Variants in HIVEP3 observed in about 807,000 individuals in gnomAD.
The protein encoded by HIVEP3 is transcription factor HIVEP3.
A neutral mutation model predicts 152.8 loss-of-function variants in HIVEP3; 49 were observed. That is an observed-to-expected ratio of 0.32 (90% CI 0.26 to 0.41). The LOEUF is 0.41. Ranked by LOEUF, HIVEP3 falls within the 10% of genes least tolerant of loss-of-function variation. The pLI is 1.00. For synonymous variants in HIVEP3, 1,269 were observed against 1,289.0 expected, an observed-to-expected ratio of 0.98 and a Z score of 0.33; for missense variants, 2,790 against 3,103.3, an observed-to-expected ratio of 0.90 and a Z score of 2.40.
At chr1:41,922,451 A>G (rs114028017), upstream of HIVEP3, among the ~76,000 whole-genome samples, 3,303 of 152,106 alleles carry the variant, frequency 0.022, 70 homozygotes, top group Non-Finnish European at 0.026. Context: ...TCACCCAAAC[A>G]CCCTTTATTA....
At chr1:41,517,521 A>G (rs1002290496) in intron 7 of HIVEP3, among the ~76,000 whole-genome samples, 3 of 152,158 alleles carry the variant, frequency 2.0e-5, no homozygotes, top group Admixed American at 1.3e-4. Flanking sequence ...CAAATTGGAA[A>G]AACAAAAACA....
intron 1 of HIVEP3, among the ~76,000 whole-genome samples, chr1:41,981,851 T>C (rs1645295773): frequency 6.6e-6 from 1 of 152,186 alleles, no homozygotes; most frequent in Non-Finnish European, 1.5e-5. Context: ...TGTGGGCACT[T>C]CAGTCTCGTG....
rs181365910 is a variant in HIVEP3, at chr1:41,697,702, C to A, written c.-721+3214G>T. On this transcript the variant is annotated intron_variant, in intron 2 of 8. Coordinates refer to ENST00000372583, the MANE Select transcript of HIVEP3 (RefSeq NM_024503.5). ...AACGCCAGATGCCCTGATCTGAGGC[C>A]TTTGCTCCAGCTCTTCCCTCTGCAT... Among the ~76,000 whole-genome samples the A allele has an allele frequency of 5.1e-4, 78 of 152,318 alleles. No homozygotes were observed. In the East Asian group the frequency reaches 0.013, roughly 25 times the overall value.
intron 5 of HIVEP3, among the ~76,000 whole-genome samples, chr1:41,548,187 C>G (rs1291672313): frequency 6.6e-6 from 1 of 152,196 alleles, no homozygotes; most frequent in Admixed American, 6.5e-5. Flanking sequence ...CTGCAGGACT[C>G]AGACAAGCTA....
At chr1:41,882,107 C>T (rs554293025) in intron 1 of HIVEP3, among the ~76,000 whole-genome samples, 3 of 152,282 alleles carry the variant, frequency 2.0e-5, no homozygotes, top group South Asian at 2.1e-4. Flanking sequence ...ATATCTCACT[C>T]CCAAACCACA....
rs541521213 is a variant in HIVEP3 at position 41,512,683 on chromosome 1, T to C, written c.6405+133A>G. On this transcript the variant is annotated intron_variant, in intron 8 of 8. Transcript: ENST00000372583. ...TGGCACAGTAGGTGCCTAATAAATG[T>C]TTGCGAAATTATTAATAACTACTGA... is the stretch of plus-strand genomic sequence containing the variant. 320 of 743,354 alleles carry C rather than the reference T, an allele frequency of 4.3e-4. 4 individuals are homozygous for C. In the South Asian group the frequency reaches 7.5e-3, roughly 17 times the overall value. 46.0% of individuals were successfully genotyped at this position (743,354 alleles called of 1,614,324 possible).
chr1:41,886,516 C>T (rs1313202184), intron 1 of HIVEP3, among the ~76,000 whole-genome samples: 2 of 151,852 alleles, frequency 1.3e-5, no homozygotes, highest in Non-Finnish European at 2.9e-5. Flanking sequence ...AGTTCAAGAC[C>T]AGCCTGACCA....
chr1:41,660,635 C>T (rs1225189075), intron 2 of HIVEP3, among the ~76,000 whole-genome samples: 26 of 152,202 alleles, frequency 1.7e-4, no homozygotes, highest in Admixed American at 1.7e-3. Context: ...CTGTACAACA[C>T]TACATCATCT....
At chr1:41,710,695 C>T (rs1306378601) in intron 1 of HIVEP3, among the ~76,000 whole-genome samples, 6 of 152,190 alleles carry the variant, frequency 3.9e-5, no homozygotes, top group South Asian at 4.1e-4. Context: ...GTGTCTGTCT[C>T]GTTCCCAAGG....
At chr1:41,630,096 T>C (rs553636117) in intron 2 of HIVEP3, among the ~76,000 whole-genome samples, 3 of 152,252 alleles carry the variant, frequency 2.0e-5, no homozygotes, top group South Asian at 4.1e-4. Context: ...TATGTAGTCA[T>C]AAAAAAGAAC....
intron 2 of HIVEP3, among the ~76,000 whole-genome samples, chr1:41,692,822 C>T (rs907865612): frequency 7.2e-5 from 11 of 152,184 alleles, no homozygotes; most frequent in African/African-American, 1.7e-4. Flanking sequence ...TCACTGTGCA[C>T]GTCTCTGTAA....
intron 1 of HIVEP3, among the ~76,000 whole-genome samples, chr1:41,910,825 TACAGA>T (rs891150007): frequency 5.9e-5 from 9 of 151,966 alleles, no homozygotes; most frequent in African/African-American, 1.9e-4. Flanking sequence ...CTTTGCAAAC[TACAGA>T]ACAGGAGTAG....
chr1:41,726,044 C>A (rs1646747505), intron 1 of HIVEP3, among the ~76,000 whole-genome samples: 1 of 152,190 alleles, frequency 6.6e-6, no homozygotes, highest in South Asian at 2.1e-4. Context: ...GGCATGCTAA[C>A]CCCCAAAAGG....
Position 41,523,100 on chromosome 1 carries a change from C to T in HIVEP3, c.5383+1635G>A, listed in dbSNP as rs184223399. ...AAGGGGACTTGGGTGATAAGTTTTC[C>T]ACTTTTAGAGTTGACGACCGTCCAT... On this transcript the variant is annotated intron_variant, in intron 6 of 8. Transcript: ENST00000372583. 6.6e-5 allele frequency among the ~76,000 whole-genome samples: 10 copies of T among 152,348 alleles called. No individual in the cohort carries two copies. In the South Asian group the frequency reaches 1.0e-3, roughly 16 times the overall value.
chr1:41,708,182 C>T (rs1646461941), intron 1 of HIVEP3, among the ~76,000 whole-genome samples: 1 of 152,184 alleles, frequency 6.6e-6, no homozygotes, highest in Admixed American at 6.5e-5. Context: ...GAGAGTGCTT[C>T]ATGTACCTTC....
intron 1 of HIVEP3, among the ~76,000 whole-genome samples, chr1:41,817,141 A>C (rs1642430286): frequency 6.6e-6 from 1 of 152,210 alleles, no homozygotes; most frequent in African/African-American, 2.4e-5. Flanking sequence ...CTGAATGCTT[A>C]TTGAGGAGCC....
chr1:41,886,472 T>C (rs780427282), intron 1 of HIVEP3, among the ~76,000 whole-genome samples: 1 of 152,044 alleles, frequency 6.6e-6, no homozygotes, highest in South Asian at 2.1e-4. Context: ...CAGCATTTTG[T>C]GACACCGAGG....
intron 1 of HIVEP3, among the ~76,000 whole-genome samples, chr1:41,885,438 G>A (rs1644329481): frequency 6.6e-6 from 1 of 152,108 alleles, no homozygotes; most frequent in African/African-American, 2.4e-5. Flanking sequence ...GGCTGAGGCA[G>A]GCAGATCACT....
At chr1:41,884,932 C>T (rs946275078) in intron 1 of HIVEP3, among the ~76,000 whole-genome samples, 5 of 152,202 alleles carry the variant, frequency 3.3e-5, no homozygotes, top group African/African-American at 1.2e-4. Flanking sequence ...TTAGCCCAAC[C>T]ATTCCTCTTC....
Sources: allele counts gnomAD v4.1 joint callset (sites outside exome capture counted in the v4.1 genomes callset), GRCh38; gene constraint gnomAD v4.1.1; transcripts MANE v1.5; gene names NCBI Gene and HGNC (gene_info 2026-07-23, HGNC 2026-07-21).